VCL: variants seen among roughly 807,000 people sequenced by gnomAD.
VCL encodes vinculin.
Under a neutral mutation model 125.7 loss-of-function variants are expected in VCL, and 47 were observed. The observed-to-expected ratio is 0.37, with a 90% confidence interval of 0.30 to 0.48. The LOEUF (loss-of-function observed/expected upper bound fraction) is 0.48. Ranked by LOEUF, VCL falls within the 20% of genes least tolerant of loss-of-function variation. The pLI is 0.99. For missense variants in VCL, 1,069 were observed against 1,455.5 expected (o/e 0.73, Z 4.32); for synonymous variants, 458 against 514.6 (o/e 0.89, Z 1.49).
At chr10:74,116,407 A>G (rs1334088579) in intron 21 of VCL, among the ~76,000 whole-genome samples, 5 of 152,172 alleles carry the variant, frequency 3.3e-5, no homozygotes, top group South Asian at 2.1e-4. Flanking sequence ...AGAAAGGTGG[A>G]AAAAAATGGG....
chr10:74,007,484 G>A (rs1840341320), intron 1 of VCL, among the ~76,000 whole-genome samples: 5 of 151,956 alleles, frequency 3.3e-5, no homozygotes, highest in Admixed American at 2.0e-4. Flanking sequence ...ATGCCTCTCC[G>A]GGTTATAGGT....
At chr10:74,057,273 A>C (rs1232829915) in intron 2 of VCL, among the ~76,000 whole-genome samples, 4 of 152,082 alleles carry the variant, frequency 2.6e-5, no homozygotes, top group Non-Finnish European at 5.9e-5. Context: ...AAAAAATTAT[A>C]TGTATATATA....
At chr10:74,005,682 C>T (rs1156601327) in intron 1 of VCL, among the ~76,000 whole-genome samples, 1 of 152,130 alleles carries the variant, frequency 6.6e-6, no homozygotes, top group Non-Finnish European at 1.5e-5. Flanking sequence ...AGGAACCCCC[C>T]TCGGATACCA....
intron 1 of VCL, among the ~76,000 whole-genome samples, chr10:74,004,264 T>C (rs1225486772): frequency 6.6e-6 from 1 of 152,222 alleles, no homozygotes; most frequent in Non-Finnish European, 1.5e-5. Flanking sequence ...AGAATATTTA[T>C]GTGATCATTT....
intron 1 of VCL, among the ~76,000 whole-genome samples, chr10:74,039,206 C>T (rs1016298913): frequency 6.6e-6 from 1 of 152,190 alleles, no homozygotes; most frequent in East Asian, 1.9e-4. Flanking sequence ...AGCCACCACG[C>T]CCGGCCACGT....
In VCL at chr10:74,119,905, T is replaced by G. The variant is rs749090680; in HGVS notation, c.*1736T>G. On this transcript the variant is annotated 3_prime_UTR_variant, in exon 22 of 22. Transcript: ENST00000211998. ...GATTACTTAGAGGAAATAAGAAAAA[T>G]CATGTTTGCTCTCCCGGTTCTTCCA... The G allele has an allele frequency of 6.6e-6, 1 of 152,266 alleles. No individual in the cohort carries two copies. Among genetic ancestry groups the G allele is most frequent in the African/African-American group, 2.4e-5 (1 of 41,316 alleles). 9.4% of individuals were successfully genotyped at this position (152,266 alleles called of 1,614,324 possible). A position where few individuals can be genotyped will look rare whatever the true frequency, so the allele number is the denominator to read the frequency against.
chr10:74,007,492 GGTAT>G, intron 1 of VCL, among the ~76,000 whole-genome samples: 2 of 151,912 alleles, frequency 1.3e-5, no homozygotes. Flanking sequence ...CCGGGTTATA[GGTAT>G]GCAATATACT....
At chr10:74,116,603 T>C (rs1316489155) in intron 21 of VCL, among the ~76,000 whole-genome samples, 3 of 151,810 alleles carry the variant, frequency 2.0e-5, no homozygotes, top group Non-Finnish European at 4.4e-5. Context: ...GGAGAATCGC[T>C]TGAACCTGGG....
chr10:74,015,979 T>C (rs1320794552), intron 1 of VCL, among the ~76,000 whole-genome samples: 2 of 151,878 alleles, frequency 1.3e-5, no homozygotes, highest in East Asian at 3.9e-4. Context: ...GCCACTACGC[T>C]CAGCCTTTTT....
At chr10:74,018,263 G>C (rs1321019456) in intron 1 of VCL, among the ~76,000 whole-genome samples, 1 of 143,608 alleles carries the variant, frequency 7.0e-6, no homozygotes, top group Non-Finnish European at 1.5e-5. Context: ...TTACCATGTT[G>C]CTCAGGCTGG....
intron 1 of VCL, among the ~76,000 whole-genome samples, chr10:74,022,886 C>CT (rs1840699863): frequency 6.6e-6 from 1 of 152,126 alleles, no homozygotes; most frequent in Admixed American, 6.5e-5. Flanking sequence ...GGTGATCCAC[C>CT]TGCCTCGGCC....
At chr10:74,104,827 G>T in intron 15 of VCL, 1 of 582,526 alleles carries the variant, frequency 1.7e-6, no homozygotes, top group East Asian at 3.0e-5. Context: ...AACCACGGTT[G>T]GTATAAATGC....
At chr10:74,070,885 A>C (rs748737341) in intron 3 of VCL, 65 bp downstream of exon 3, 63 of 1,612,326 alleles carry the variant, frequency 3.9e-5, no homozygotes, top group Non-Finnish European at 5.0e-5. Context: ...GATTGTTTAG[A>C]ATGAAAATAT....
At chr10:74,018,847 G>A (rs1840608764) in intron 1 of VCL, among the ~76,000 whole-genome samples, 1 of 152,164 alleles carries the variant, frequency 6.6e-6, no homozygotes, top group African/African-American at 2.4e-5. Context: ...GAAACCCAAT[G>A]TCTTGGATAT....
intron 13 of VCL, among the ~76,000 whole-genome samples, chr10:74,100,338 T>C (rs1840032482): frequency 1.3e-5 from 2 of 152,244 alleles, no homozygotes; most frequent in Non-Finnish European, 1.5e-5. Flanking sequence ...ATTAAGTAGA[T>C]GATTTTGCAT....
chr10:74,072,602 TC>T, intron 4 of VCL, 127 bp from the exon 5 acceptor site: 1 of 1,319,208 alleles, frequency 7.6e-7, no homozygotes, highest in Non-Finnish European at 1.1e-6. Context: ...AGTGATGGTG[TC>T]TGTTGTTTAA....
intron 1 of VCL, among the ~76,000 whole-genome samples, chr10:74,037,109 A>G (rs1389375371): frequency 6.6e-6 from 1 of 152,106 alleles, no homozygotes; most frequent in Middle Eastern, 3.4e-3. Context: ...ACGGGGTTTC[A>G]CCGTGTTAGC....
At chr10:74,120,467 C>T (rs771508580), downstream of VCL, 3 of 152,160 alleles carry the variant, frequency 2.0e-5, no homozygotes, top group Non-Finnish European at 4.4e-5. Context: ...CTGTGGAGAC[C>T]ACCACTGTTC....
chr10:74,087,585 CT>C (rs1839806764), intron 8 of VCL, among the ~76,000 whole-genome samples: 1 of 141,482 alleles, frequency 7.1e-6, no homozygotes. Context: ...TGGTCTCGAT[CT>C]CGTGACCTCG....
Sources: allele counts gnomAD v4.1 joint callset (sites outside exome capture counted in the v4.1 genomes callset), GRCh38; gene constraint gnomAD v4.1.1; transcripts MANE v1.5; gene names NCBI Gene and HGNC (gene_info 2026-07-23, HGNC 2026-07-21).